ITPKB: variants seen among roughly 807,000 people sequenced by gnomAD.
ITPKB encodes the protein IP3 3-kinase B.
Under a neutral mutation model 69.4 loss-of-function variants are expected in ITPKB, and 13 were observed. The observed-to-expected ratio is 0.19, with a 90% CI of 0.12 to 0.30. ITPKB has a LOEUF of 0.30. ITPKB is among the 10% of genes least tolerant of loss of function. The pLI, the probability that ITPKB is intolerant of heterozygous loss-of-function variation, is 1.00. For missense variants in ITPKB, 1,240 were observed against 1,250.5 expected (o/e 0.99, Z 0.13); for synonymous variants, 584 against 513.7 (o/e 1.14, Z -1.85).
At chr1:226,721,775 G>A (rs968921184) in intron 2 of ITPKB, among the ~76,000 whole-genome samples, 19 of 149,720 alleles carry the variant, frequency 1.3e-4, no homozygotes, top group African/African-American at 4.4e-4. Context: ...GATTACAGGC[G>A]TGAGCCACCG....
At position 226,633,939 on chromosome 1, in the gene ITPKB, C is replaced by G. The variant is rs1668773837; in HGVS notation, c.*732G>C. On this transcript the variant is annotated 3_prime_UTR_variant, in exon 8 of 8. Coordinates refer to ENST00000429204, the MANE Select transcript of ITPKB (RefSeq NM_002221.4). ...ACTCATGGGTTGCAATTCCAAGTGGCACAGCTTCTGCTCGCCTCCTCTGGG... is the reference window on the plus strand; with the variant it reads ...ACTCATGGGTTGCAATTCCAAGTGGGACAGCTTCTGCTCGCCTCCTCTGGG... 1 of 152,330 alleles carries G rather than the reference C, an allele frequency of 6.6e-6. No individual in the cohort carries two copies. Among genetic ancestry groups the G allele is most frequent in the East Asian group, 1.9e-4 (1 of 5,198 alleles). 9.4% of individuals were successfully genotyped at this position (152,330 alleles called of 1,614,324 possible). A position where few individuals can be genotyped will look rare whatever the true frequency, so the allele number is the denominator to read the frequency against.
intron 2 of ITPKB, among the ~76,000 whole-genome samples, chr1:226,696,428 C>T (rs1057364131): frequency 6.6e-6 from 1 of 152,198 alleles, no homozygotes; most frequent in South Asian, 2.1e-4. Flanking sequence ...ATCCCTGGCA[C>T]GTAGATAGCA....
chr1:226,735,857 G>A lies in ITPKB; in HGVS notation c.1602C>T (p.Ser534=). 6.2e-7 allele frequency: 1 copy of A among 1,606,762 alleles called. No individual in the cohort carries two copies. Among genetic ancestry groups the A allele is most frequent in the Non-Finnish European group, 8.5e-7 (1 of 1,174,136 alleles). Residue 534 remains serine, a synonymous_variant, in exon 2 of 8, where the codon AGC becomes AGT. Coordinates refer to ENST00000429204, the MANE Select transcript of ITPKB (RefSeq NM_002221.4). ...TGVQSEGTWE[S]QRQDSDALPS... ...GGAGGGCATCACTGTCCTGCCGCTG[G>A]CTTTCCCAAGTCCCCTCTGATTGCA...
chr1:226,714,519 A>G (rs1657047705), intron 2 of ITPKB, among the ~76,000 whole-genome samples: 1 of 152,222 alleles, frequency 6.6e-6, no homozygotes, highest in South Asian at 2.1e-4. Flanking sequence ...AGAGAACAGC[A>G]CTGAAGAGTA....
At chr1:226,698,674 G>A (rs1656558301) in intron 2 of ITPKB, among the ~76,000 whole-genome samples, 1 of 152,246 alleles carries the variant, frequency 6.6e-6, no homozygotes, top group Admixed American at 6.5e-5. Context: ...GAAGAGGACA[G>A]GCATGATCTG....
chr1:226,637,975 A>C lies in ITPKB; in HGVS notation c.2554-225T>G, dbSNP rs768628381. Among the ~76,000 whole-genome samples the C allele has an allele frequency of 9.9e-5, 15 of 152,122 alleles. No homozygotes were observed. Among genetic ancestry groups the C allele is most frequent in the Non-Finnish European group, 1.9e-4 (13 of 68,002 alleles). On this transcript the variant is annotated intron_variant, in intron 6 of 7. Coordinates refer to ENST00000429204, the MANE Select transcript of ITPKB (RefSeq NM_002221.4). This position sits in a 1 kb window ranked among gnomAD's most constrained non-coding sequence, Gnocchi z 4.3. ...CAGGGTAAGAGAGAGAACCACAAAT[A>C]TCTCTCCCAGTGCCCTCTCCATGGA... is the stretch of plus-strand genomic sequence containing the variant.
At chr1:226,664,645 T>C (rs181082550) in intron 2 of ITPKB, among the ~76,000 whole-genome samples, 1 of 152,178 alleles carries the variant, frequency 6.6e-6, no homozygotes, top group East Asian at 1.9e-4. Flanking sequence ...CCCTTAACTT[T>C]CAATGCTATT....
chr1:226,697,795 A>G (rs542433428), intron 2 of ITPKB, among the ~76,000 whole-genome samples: 5 of 152,332 alleles, frequency 3.3e-5, no homozygotes, highest in Admixed American at 2.6e-4. Flanking sequence ...AACTCTCCAC[A>G]TAAGAGCTGC....
chr1:226,709,698 G>A (rs950592759), intron 2 of ITPKB, among the ~76,000 whole-genome samples: 3 of 152,078 alleles, frequency 2.0e-5, no homozygotes, highest in African/African-American at 4.8e-5. Context: ...GGTGAGAAGC[G>A]GCAGTGGGCA....
intron 2 of ITPKB, among the ~76,000 whole-genome samples, chr1:226,650,445 G>T (rs1290865474): frequency 6.6e-6 from 1 of 152,252 alleles, no homozygotes; most frequent in African/African-American, 2.4e-5. Context: ...TTCTGATGGA[G>T]ATCGCCAAAG....
chr1:226,736,215 G>T lies in ITPKB; in HGVS notation c.1244C>A (p.Pro415His), dbSNP rs768287698. ...SSDSLSWSRL[P>H]RALASVGPEE... is the part of the protein sequence containing the mutation. ...AGGGCCTACGGAGGCCAGGGCCCTGGGCAGCCTGGACCAGCTCAGGGAATC... is the reference window on the plus strand; with the variant it reads ...AGGGCCTACGGAGGCCAGGGCCCTGTGCAGCCTGGACCAGCTCAGGGAATC... The change falls in exon 2 of 8, where the codon CCC (proline) becomes CAC (histidine). Residue 415 changes from proline (P) to histidine (H), a missense_variant. Around this residue, in one of 2 missense-constraint regions of ITPKB, gnomAD observed 992 missense variants for 853.8 expected, o/e 1.16. Transcript: ENST00000429204. The T allele has an allele frequency of 2.1e-5, 33 of 1,535,322 alleles. No individual in the cohort carries two copies. Among genetic ancestry groups the T allele is most frequent in the Non-Finnish European group, 2.5e-5 (29 of 1,144,216 alleles).
At chr1:226,701,326 C>G (rs939824874) in intron 2 of ITPKB, among the ~76,000 whole-genome samples, 1 of 152,164 alleles carries the variant, frequency 6.6e-6, no homozygotes, top group African/African-American at 2.4e-5. Context: ...TCACTTTGGC[C>G]GGGCGCGGTG....
intron 2 of ITPKB, among the ~76,000 whole-genome samples, chr1:226,662,510 C>G (rs1487780451): frequency 2.0e-5 from 3 of 152,224 alleles, no homozygotes; most frequent in African/African-American, 7.2e-5. Flanking sequence ...GACAAGATTT[C>G]CTCAACCTCC....
At chr1:226,707,614 G>A (rs778811184) in intron 2 of ITPKB, 14 of 988,734 alleles carry the variant, frequency 1.4e-5, no homozygotes, top group Non-Finnish European at 1.7e-5. Flanking sequence ...GCTCAATGGG[G>A]ATAAATAGGC....
intron 2 of ITPKB, among the ~76,000 whole-genome samples, chr1:226,696,125 A>G (rs1429964308): frequency 6.6e-6 from 1 of 152,172 alleles, no homozygotes; most frequent in African/African-American, 2.4e-5. Flanking sequence ...GGAATTCACT[A>G]TGCTGGATTA....
intron 2 of ITPKB, among the ~76,000 whole-genome samples, chr1:226,688,026 CGT>C (rs892847650): frequency 9.2e-5 from 14 of 152,138 alleles, no homozygotes; most frequent in African/African-American, 2.7e-4. Context: ...AATTGCCCTA[CGT>C]TTTCCTTAGG....
In ITPKB at chr1:226,716,987, A is replaced by T. The variant is rs557782161; in HGVS notation, c.1932+18540T>A. On this transcript the variant is annotated intron_variant, in intron 2 of 7. Transcript: ENST00000429204. ...ATATTATATAGACTTCATCATACCG[A>T]GGGAGAAATAACCATGCCTTTTAGT... 1.8e-4 allele frequency among the ~76,000 whole-genome samples: 27 copies of T among 152,378 alleles called. No homozygotes were observed. The South Asian group carries it at 4.6e-3, about 26-fold the overall frequency.
intron 2 of ITPKB, among the ~76,000 whole-genome samples, chr1:226,661,805 TG>T (rs1394501717): frequency 3.9e-5 from 6 of 152,212 alleles, no homozygotes; most frequent in African/African-American, 1.4e-4. Flanking sequence ...ATGGATCGGA[TG>T]AACTGTATGG....
Position 226,736,671 on chromosome 1 carries a change from G to C in ITPKB, c.788C>G (p.Ala263Gly), listed in dbSNP as rs770150702. The C allele has an allele frequency of 1.9e-5, 30 of 1,613,144 alleles. No homozygotes were observed. The highest frequency in any genetic ancestry group is 2.5e-6 in the Non-Finnish European group (3 of 1,179,954). ...AFVRMEKGIPASPRCGSPTAM... is the reference protein window; with the variant it reads ...AFVRMEKGIPGSPRCGSPTAM... ...TGTGGGTGAGCCACAGCGGGGACTG[G>C]CAGGGATACCCTTCTCCATCCTTAC... The change falls in exon 2 of 8, where the codon GCC becomes GGC. Residue 263 changes from alanine (A) to glycine (G), a missense_variant. By Grantham distance (60) the Ala-to-Gly change is moderately conservative. Around this residue, in one of 2 missense-constraint regions of ITPKB, gnomAD observed 992 missense variants for 853.8 expected, o/e 1.16. Transcript: ENST00000429204.
Sources: gnomAD v4.1 joint callset for allele counts (sites outside exome capture counted in the v4.1 genomes callset) on GRCh38, gnomAD v4.1.1 for gene constraint, gnomAD v4.1.1 regional missense constraint, Gnocchi (gnomAD v3.1) non-coding constraint, MANE v1.5 for transcripts, NCBI Gene and HGNC (gene_info 2026-07-23, HGNC 2026-07-21) for gene names.